Variants in FHIP1A observed in about 807,000 individuals in gnomAD.
FHIP1A encodes FHF complex subunit HOOK-interacting protein 1A.
In FHIP1A, 61 loss-of-function variants were observed where a neutral mutation model predicts 88.6. That is an observed-to-expected ratio of 0.69 (90% CI 0.56 to 0.85). FHIP1A has a LOEUF of 0.85. Ranked by LOEUF, FHIP1A falls within the 40% of genes least tolerant of loss-of-function variation. The probability of loss-of-function intolerance (pLI) is 0.00; values close to 1 mark genes in which losing one functional copy is unlikely to be tolerated. For missense variants in FHIP1A, 1,154 were observed against 1,273.5 expected (o/e 0.91, Z 1.43); for synonymous variants, 478 against 496.0 (o/e 0.96, Z 0.48).
chr4:151,565,069 C>CT (rs1398886555), intron 3 of FHIP1A, among the ~76,000 whole-genome samples: 2 of 152,094 alleles, frequency 1.3e-5, no homozygotes, highest in African/African-American at 4.8e-5. Flanking sequence ...TTGATAATGG[C>CT]TACCCCCTGT....
chr4:151,588,730 C>G (rs1303071533), intron 6 of FHIP1A, 110 bp from the exon 7 acceptor site: 1 of 767,054 alleles, frequency 1.3e-6, no homozygotes, highest in African/African-American at 1.7e-5. Context: ...GAATAAATGG[C>G]CAAAATGTGG....
chr4:151,660,440 G>A (rs1216010899), intron 13 of FHIP1A, among the ~76,000 whole-genome samples: 1 of 152,172 alleles, frequency 6.6e-6, no homozygotes, highest in African/African-American at 2.4e-5. Context: ...TGAATTTGAA[G>A]GAGAATGGGG....
At chr4:151,424,100 T>A (rs1177787229) in intron 1 of FHIP1A, among the ~76,000 whole-genome samples, 1 of 152,188 alleles carries the variant, frequency 6.6e-6, no homozygotes, top group Admixed American at 6.5e-5. Flanking sequence ...GTCAGTTTTC[T>A]CCACATTTTG....
At chr4:151,504,320 T>G (rs1730750446) in intron 3 of FHIP1A, among the ~76,000 whole-genome samples, 1 of 152,208 alleles carries the variant, frequency 6.6e-6, no homozygotes, top group South Asian at 2.1e-4. Flanking sequence ...TAATACCAGC[T>G]TTGGAAAAAT....
intron 7 of FHIP1A, among the ~76,000 whole-genome samples, chr4:151,589,539 G>C (rs554672018): frequency 2.6e-5 from 4 of 152,182 alleles, no homozygotes; most frequent in South Asian, 2.1e-4. Context: ...CTGATTTTCT[G>C]TTTTTCCTTC....
At chr4:151,573,658 A>C (rs538974127) in intron 4 of FHIP1A, among the ~76,000 whole-genome samples, 1 of 152,152 alleles carries the variant, frequency 6.6e-6, no homozygotes, top group South Asian at 2.1e-4. Context: ...GGTTGAGAGT[A>C]TAAGACAGCT....
chr4:151,429,041 A>G (rs777899485), intron 1 of FHIP1A, among the ~76,000 whole-genome samples: 1 of 151,926 alleles, frequency 6.6e-6, no homozygotes, highest in Admixed American at 6.6e-5. Flanking sequence ...TTGTTTTCCC[A>G]CCTGGCTGTA....
chr4:151,498,130 G>A (rs970191179), intron 3 of FHIP1A, among the ~76,000 whole-genome samples: 1 of 152,304 alleles, frequency 6.6e-6, no homozygotes, highest in South Asian at 2.1e-4. Flanking sequence ...TGATCTCTCT[G>A]ATCTATTGTG....
chr4:151,608,003 CTTTTTCT>C (rs1735139745), intron 7 of FHIP1A, among the ~76,000 whole-genome samples: 1 of 105,144 alleles, frequency 9.5e-6, no homozygotes. Flanking sequence ...TTTTGATTTT[CTTTTTCT>C]TTTTTCTTTT....
chr4:151,523,792 A>G (rs747158623), intron 3 of FHIP1A, among the ~76,000 whole-genome samples: 2 of 152,122 alleles, frequency 1.3e-5, no homozygotes, highest in African/African-American at 2.4e-5. Flanking sequence ...CTCTTAATAT[A>G]TGTTTCTTCC....
chr4:151,481,854 T>C (rs1382377267), intron 2 of FHIP1A, among the ~76,000 whole-genome samples: 1 of 152,100 alleles, frequency 6.6e-6, no homozygotes, highest in African/African-American at 2.4e-5. Flanking sequence ...CTCTACGTTT[T>C]GTTCTCTGTG....
intron 1 of FHIP1A, among the ~76,000 whole-genome samples, chr4:151,435,169 TATA>T (rs1160370557): frequency 9.8e-4 from 35 of 35,730 alleles, no homozygotes; most frequent in Non-Finnish European, 2.3e-3. Context: ...TGTTGCTAAC[TATA>T]GTCCTATAGT....
chr4:151,561,387 G>A (rs1450216621), intron 3 of FHIP1A, among the ~76,000 whole-genome samples: 1 of 152,160 alleles, frequency 6.6e-6, no homozygotes, highest in Non-Finnish European at 1.5e-5. Context: ...GTCCAGCATT[G>A]CCCTGTGATA....
At chr4:151,516,586 A>T (rs1422578705) in intron 3 of FHIP1A, among the ~76,000 whole-genome samples, 1 of 152,202 alleles carries the variant, frequency 6.6e-6, no homozygotes, top group African/African-American at 2.4e-5. Context: ...ATCTACAATG[A>T]ACTCAAACAA....
chr4:151,454,377 C>T (rs1462797676), intron 1 of FHIP1A, among the ~76,000 whole-genome samples: 2 of 152,156 alleles, frequency 1.3e-5, no homozygotes, highest in Non-Finnish European at 2.9e-5. Flanking sequence ...AACTTTGGGT[C>T]TGCTTGTATG....
intron 2 of FHIP1A, among the ~76,000 whole-genome samples, chr4:151,471,288 T>C (rs1729500293): frequency 6.8e-6 from 1 of 147,194 alleles, no homozygotes. Context: ...ATTGTTCCTT[T>C]TTTTTTTTTT....
intron 3 of FHIP1A, among the ~76,000 whole-genome samples, chr4:151,522,044 C>T (rs1731464653): frequency 6.6e-6 from 1 of 152,074 alleles, no homozygotes; most frequent in Non-Finnish European, 1.5e-5. Flanking sequence ...TTATTTTTAG[C>T]AAAATAAAAA....
At chr4:151,573,799 T>C (rs1292192226) in intron 4 of FHIP1A, among the ~76,000 whole-genome samples, 5 of 151,710 alleles carry the variant, frequency 3.3e-5, no homozygotes, top group Non-Finnish European at 7.4e-5. Context: ...GACACAGAAA[T>C]ATTGGAGTTT....
intron 1 of FHIP1A, among the ~76,000 whole-genome samples, chr4:151,441,061 C>G (rs1728394162): frequency 6.6e-6 from 1 of 152,130 alleles, no homozygotes; most frequent in Non-Finnish European, 1.5e-5. Flanking sequence ...ATGAAGCCCC[C>G]CTATCATGTT....
Sources: allele counts gnomAD v4.1 joint callset (sites outside exome capture counted in the v4.1 genomes callset), GRCh38; gene constraint gnomAD v4.1.1; transcripts MANE v1.5; gene names NCBI Gene and HGNC (gene_info 2026-07-23, HGNC 2026-07-21).